SOWAHD: variants seen among roughly 807,000 people sequenced by gnomAD.
The protein encoded by SOWAHD is sosondowah ankyrin repeat domain family member D.
For synonymous variants in SOWAHD, 142 were observed against 147.2 expected (o/e 0.96, Z 0.26); for missense variants, 295 against 297.7 (o/e 0.99, Z 0.07).
In SOWAHD at chrX:119,760,145, T is replaced by C. The variant is rs1434576242; in HGVS notation, c.*530T>C. On this transcript the variant is annotated 3_prime_UTR_variant, in exon 1 of 1. Coordinates refer to ENST00000343905, the MANE Select transcript of SOWAHD (RefSeq NM_001105576.3). The stretch of plus-strand genomic sequence containing the variant: ...CCAGCCTTACTGGTACTTTTTCTCA[T>C]GTATCACAGGTTACTTCTTATGTAT... 3.2e-5 allele frequency: 4 copies of C among 124,936 alleles called. 1 individual carries two copies. Among genetic ancestry groups the C allele is most frequent in the African/African-American group, 1.3e-4 (4 of 30,917 alleles). 10.3% of individuals were successfully genotyped at this position (124,936 alleles called of 1,213,427 possible). A position where few individuals can be genotyped will look rare whatever the true frequency, so the allele number is the denominator to read the frequency against.
Position 119,759,925 on chromosome X carries a change from A to G in SOWAHD, c.*310A>G. The G allele has an allele frequency of 7.7e-6, 2 of 260,610 alleles. No homozygotes were observed. Among genetic ancestry groups the G allele is most frequent in the Non-Finnish European group, 1.4e-5 (2 of 139,574 alleles). 21.5% of individuals were successfully genotyped at this position (260,610 alleles called of 1,213,427 possible). Reference sequence around the variant, plus strand: ...AGCGTGGTCCTGCTTGGGAGAGGGCAAGTTAAGCTTCCAGGGGCCATTTCT... The same window carrying G: ...AGCGTGGTCCTGCTTGGGAGAGGGCGAGTTAAGCTTCCAGGGGCCATTTCT... On this transcript the variant is annotated 3_prime_UTR_variant, in exon 1 of 1. Coordinates refer to ENST00000343905, the MANE Select transcript of SOWAHD (RefSeq NM_001105576.3).
rs757372526 is a variant in SOWAHD at position 119,758,753 on chromosome X, C to G, written c.86C>G (p.Pro29Arg). 9.4e-6 allele frequency: 11 copies of G among 1,171,479 alleles called. No homozygotes were observed. In the South Asian group the frequency reaches 2.0e-4, roughly 22 times the overall value. The change falls in exon 1 of 1, where the codon CCC (proline) becomes CGC (arginine). Residue 29 changes from proline to arginine, a missense_variant. Transcript: ENST00000343905. ...CAGAGCCTGCGGTGCGCCCCGCAGCCCCGCCCCTCGAGAGCGGACACTGGT... is the reference window on the plus strand; with the variant it reads ...CAGAGCCTGCGGTGCGCCCCGCAGCGCCGCCCCTCGAGAGCGGACACTGGT... ...TSQSLRCAPQ[P>R]RPSRADTGSL...
rs942524092 is a variant in SOWAHD at position 119,758,697 on chromosome X, G to A, written c.30G>A (p.Arg10=). 8.8e-7 allele frequency: 1 copy of A among 1,139,533 alleles called. No homozygotes were observed. Among genetic ancestry groups the A allele is most frequent in the African/African-American group, 1.9e-5 (1 of 53,851 alleles). 93.9% of individuals were successfully genotyped at this position (1,139,533 alleles called of 1,213,427 possible). A position where few individuals can be genotyped will look rare whatever the true frequency, so the allele number is the denominator to read the frequency against. The change falls in exon 1 of 1, where the codon CGG becomes CGA. Residue 10 remains arginine (R), a synonymous_variant. Transcript: ENST00000343905. ...CCCAGCTCGGAGGGGCCGCGAACCGGGCACCCACGGCCTCTCTCGCGCCGA... is the reference window on the plus strand; with the variant it reads ...CCCAGCTCGGAGGGGCCGCGAACCGAGCACCCACGGCCTCTCTCGCGCCGA... MAQLGGAAN[R]APTASLAPTS...
rs2055537468 is a variant in SOWAHD, at chrX:119,759,640, G to A, written c.*25G>A. On this transcript the variant is annotated 3_prime_UTR_variant, in exon 1 of 1. Transcript: ENST00000343905. The stretch of plus-strand genomic sequence containing the variant: ...ACAGGGACAGAGACTGGAGAGCTAG[G>A]AGGGGCTGTGACACTGTGGCGATGG... The A allele has an allele frequency of 2.7e-6, 3 of 1,128,626 alleles. No individual in the cohort carries two copies. In the African/African-American group the frequency reaches 5.5e-5, roughly 21 times the overall value. The allele number at this position is 1,128,626 out of a possible 1,213,427, so 93.0% of individuals were successfully genotyped here.
rs2055529915 is a variant in SOWAHD at position 119,758,833 on chromosome X, T to G, written c.166T>G (p.Phe56Val). Residue 56 changes from phenylalanine to valine, a missense_variant, in exon 1 of 1, where the codon TTC becomes GTC. Transcript: ENST00000343905. ...AGCCGCCGCCTCCCGGGAGCACCCCTTCCCAGGCACGCTGATGCACTCTGC... is the reference window on the plus strand; with the variant it reads ...AGCCGCCGCCTCCCGGGAGCACCCCGTCCCAGGCACGCTGATGCACTCTGC... ...AAAAASREHP[F>V]PGTLMHSAAG... 8.8e-7 allele frequency: 1 copy of G among 1,141,835 alleles called. No homozygotes were observed. Among genetic ancestry groups the G allele is most frequent in the South Asian group, 2.0e-5 (1 of 50,905 alleles). The allele number at this position is 1,141,835 out of a possible 1,213,427, so 94.1% of individuals were successfully genotyped here.
Position 119,759,453 on chromosome X carries a change from C to T in SOWAHD, c.786C>T (p.Gly262=). The T allele has an allele frequency of 8.3e-7, 1 of 1,200,731 alleles. No homozygotes were observed. ...CCAACCTGAACAACAACAGCAGTGG[C>T]ACCACTGCGTGGAGGGCCGCGAGCG... ...GCTNLNNNSS[G]TTAWRAASAV... The change falls in exon 1 of 1, where the codon GGC becomes GGT. Residue 262 remains glycine (G), a synonymous_variant. Coordinates refer to ENST00000343905, the MANE Select transcript of SOWAHD (RefSeq NM_001105576.3).
chrX:119,759,940 G>A lies in SOWAHD; in HGVS notation c.*325G>A, dbSNP rs1056236905. ...GGGAGAGGGCAAGTTAAGCTTCCAG[G>A]GGCCATTTCTGGGCAGGCCGACGCG... is the stretch of plus-strand genomic sequence containing the variant. On this transcript the variant is annotated 3_prime_UTR_variant, in exon 1 of 1. Coordinates refer to ENST00000343905, the MANE Select transcript of SOWAHD (RefSeq NM_001105576.3). 2 of 238,172 alleles carry A rather than the reference G, an allele frequency of 8.4e-6. No homozygotes were observed. Among genetic ancestry groups the A allele is most frequent in the African/African-American group, 2.9e-5 (1 of 34,692 alleles). The allele number at this position is 238,172 out of a possible 1,213,427, so 19.6% of individuals were successfully genotyped here.
Position 119,758,960 on chromosome X carries a change from G to C in SOWAHD, c.293G>C (p.Gly98Ala). The C allele has an allele frequency of 1.8e-6, 2 of 1,109,498 alleles. No homozygotes were observed. The highest frequency in any genetic ancestry group is 2.3e-6 in the Non-Finnish European group (2 of 852,484). The allele number at this position is 1,109,498 out of a possible 1,213,427, so 91.4% of individuals were successfully genotyped here. The change falls in exon 1 of 1, where the codon GGC (glycine) becomes GCC (alanine). Residue 98 changes from glycine to alanine, a missense_variant. Physicochemically the swap from Gly to Ala is moderately conservative, Grantham distance 60. Transcript: ENST00000343905. ...TCGGAGGAGCGCGCCGAGGAGCTGGGCGGGCCGAGTGGGCCGGGCAGCAGC... is the reference window on the plus strand; with the variant it reads ...TCGGAGGAGCGCGCCGAGGAGCTGGCCGGGCCGAGTGGGCCGGGCAGCAGC... ...WLSEERAEELGGPSGPGSSRL... is the reference protein window; with the variant it reads ...WLSEERAEELAGPSGPGSSRL...
At position 119,759,052 on chromosome X, in the gene SOWAHD, C is replaced by T. The variant is rs1305889182; in HGVS notation, c.385C>T (p.Leu129=). 8.5e-7 allele frequency: 1 copy of T among 1,177,730 alleles called. No homozygotes were observed. Among genetic ancestry groups the T allele is most frequent in the South Asian group, 1.9e-5 (1 of 53,908 alleles). Residue 129 remains leucine (L), a synonymous_variant, in exon 1 of 1, where the codon CTG becomes TTG. Transcript: ENST00000343905. ...LAAAEGRYEV[L]RELLEAEPEL... is the part of the protein sequence containing the mutation. The stretch of plus-strand genomic sequence containing the variant: ...AGCCGCCGAGGGCCGCTATGAGGTG[C>T]TGCGGGAGCTGCTGGAGGCTGAGCC...
chrX:119,758,953 G>T lies in SOWAHD; in HGVS notation c.286G>T (p.Glu96Ter). Residue 96 changes from glutamate to a stop codon, truncating the protein, a stop_gained, in exon 1 of 1, where the codon GAG becomes TAG. Coordinates refer to ENST00000343905, the MANE Select transcript of SOWAHD (RefSeq NM_001105576.3). LOFTEE classifies it low-confidence loss of function (END_TRUNC). ...AGWLSEERAE[E>*]LGGPSGPGSS... The stretch of plus-strand genomic sequence containing the variant: ...GTGGCTGTCGGAGGAGCGCGCCGAG[G>T]AGCTGGGCGGGCCGAGTGGGCCGGG... 4 of 1,104,378 alleles carry T rather than the reference G, an allele frequency of 3.6e-6. No individual in the cohort carries two copies. The highest frequency in any genetic ancestry group is 4.7e-6 in the Non-Finnish European group (4 of 850,386). The allele number at this position is 1,104,378 out of a possible 1,213,427, so 91.0% of individuals were successfully genotyped here. A position where few individuals can be genotyped will look rare whatever the true frequency, so the allele number is the denominator to read the frequency against.
Position 119,758,962 on chromosome X carries a change from G to A in SOWAHD, c.295G>A (p.Gly99Arg), listed in dbSNP as rs997588347. ...LSEERAEELGGPSGPGSSRLC... is the reference protein window; with the variant it reads ...LSEERAEELGRPSGPGSSRLC... ...GGAGGAGCGCGCCGAGGAGCTGGGC[G>A]GGCCGAGTGGGCCGGGCAGCAGCAG... Residue 99 changes from glycine to arginine, a missense_variant, in exon 1 of 1, where the codon GGG becomes AGG. Coordinates refer to ENST00000343905, the MANE Select transcript of SOWAHD (RefSeq NM_001105576.3). 5 of 1,106,372 alleles carry A rather than the reference G, an allele frequency of 4.5e-6. No homozygotes were observed. In the African/African-American group the frequency reaches 9.4e-5, roughly 21 times the overall value. The allele number at this position is 1,106,372 out of a possible 1,213,427, so 91.2% of individuals were successfully genotyped here.
Position 119,758,727 on chromosome X carries a change from G to A in SOWAHD, c.60G>A (p.Ser20=). The A allele has an allele frequency of 8.6e-7, 1 of 1,164,230 alleles. No homozygotes were observed. The highest frequency in any genetic ancestry group is 1.9e-5 in the South Asian group (1 of 53,042). The part of the protein sequence containing the change: ...RAPTASLAPT[S]QSLRCAPQPR... ...CCACGGCCTCTCTCGCGCCGACCTC[G>A]CAGAGCCTGCGGTGCGCCCCGCAGC... The change falls in exon 1 of 1, where the codon TCG becomes TCA. Residue 20 remains serine, a synonymous_variant. Coordinates refer to ENST00000343905, the MANE Select transcript of SOWAHD (RefSeq NM_001105576.3).
Position 119,759,518 on chromosome X carries a change from C to T in SOWAHD, c.851C>T (p.Ala284Val). Residue 284 changes from alanine (A) to valine (V), a missense_variant, in exon 1 of 1, where the codon GCA (alanine) becomes GTA (valine). Transcript: ENST00000343905. ...ATAVETSRRVAASRTKAKDTA... is the reference protein window; with the variant it reads ...ATAVETSRRVVASRTKAKDTA... ...GCTGTGGAGACAAGCAGGAGAGTGG[C>T]AGCGTCGCGGACCAAGGCGAAGGAC... 8.3e-7 allele frequency: 1 copy of T among 1,200,089 alleles called. No homozygotes were observed. The highest frequency in any genetic ancestry group is 1.1e-6 in the Non-Finnish European group (1 of 888,887).
chrX:119,759,465 G>T lies in SOWAHD; in HGVS notation c.798G>T (p.Trp266Cys), dbSNP rs374147618. ...LNNNSSGTTAWRAASAVGATA... is the reference protein window; with the variant it reads ...LNNNSSGTTACRAASAVGATA... ...ACAACAGCAGTGGCACCACTGCGTG[G>T]AGGGCCGCGAGCGCAGTGGGCGCGA... Residue 266 changes from tryptophan to cysteine, a missense_variant, in exon 1 of 1, where the codon TGG becomes TGT. Physicochemically the swap from Trp to Cys is radical, Grantham distance 215. Transcript: ENST00000343905. 3.3e-6 allele frequency: 4 copies of T among 1,199,204 alleles called. No individual in the cohort carries two copies. Among genetic ancestry groups the T allele is most frequent in the Non-Finnish European group, 4.5e-6 (4 of 889,092 alleles).
rs1377659697 is a variant in SOWAHD at position 119,759,370 on chromosome X, A to T, written c.703A>T (p.Arg235Trp). The T allele has an allele frequency of 8.4e-7, 1 of 1,196,264 alleles. No homozygotes were observed. Among genetic ancestry groups the T allele is most frequent in the South Asian group, 1.8e-5 (1 of 55,424 alleles). The change falls in exon 1 of 1, where the codon AGG (arginine) becomes TGG (tryptophan). Residue 235 changes from arginine to tryptophan, a missense_variant. Physicochemically the swap from Arg to Trp is moderately radical, Grantham distance 101. Transcript: ENST00000343905. ...CTACCTGCGGCCCGACGCGCCTTGG[A>T]GGTTGCGGGAGCTGTCGGGAGCCGA... Reference protein sequence around the residue: ...CHYLRPDAPWRLRELSGAEEW... With the variant: ...CHYLRPDAPWWLRELSGAEEW...
chrX:119,759,512 G>C lies in SOWAHD; in HGVS notation c.845G>C (p.Arg282Thr), dbSNP rs1213727629. ...VGATAVETSR[R>T]VAASRTKAKD... Reference sequence around the variant, plus strand: ...GCGACGGCTGTGGAGACAAGCAGGAGAGTGGCAGCGTCGCGGACCAAGGCG... The same window carrying C: ...GCGACGGCTGTGGAGACAAGCAGGACAGTGGCAGCGTCGCGGACCAAGGCG... Residue 282 changes from arginine (R) to threonine (T), a missense_variant, in exon 1 of 1, where the codon AGA becomes ACA. Arg to Thr is a moderately conservative substitution (Grantham distance 71, BLOSUM62 -1). Coordinates refer to ENST00000343905, the MANE Select transcript of SOWAHD (RefSeq NM_001105576.3). The C allele has an allele frequency of 1.7e-6, 2 of 1,201,544 alleles. No homozygotes were observed. Among genetic ancestry groups the C allele is most frequent in the East Asian group, 6.0e-5 (2 of 33,492 alleles).
rs778433072 is a variant in SOWAHD at position 119,759,393 on chromosome X, C to G, written c.726C>G (p.Ala242=). 3.3e-6 allele frequency: 4 copies of G among 1,199,155 alleles called. No homozygotes were observed. Among genetic ancestry groups the G allele is most frequent in the East Asian group, 3.0e-5 (1 of 33,287 alleles). The part of the protein sequence containing the change: ...APWRLRELSG[A]EEWEMESGSG... Reference sequence around the variant, plus strand: ...GGAGGTTGCGGGAGCTGTCGGGAGCCGAGGAATGGGAGATGGAGAGCGGCA... The same window carrying G: ...GGAGGTTGCGGGAGCTGTCGGGAGCGGAGGAATGGGAGATGGAGAGCGGCA... Residue 242 remains alanine (A), a synonymous_variant, in exon 1 of 1, where the codon GCC becomes GCG. Transcript: ENST00000343905.
Position 119,759,970 on chromosome X carries a change from G to T in SOWAHD, c.*355G>T. ...ATTTCTGGGCAGGCCGACGCGCTGG[G>T]TTTATTAGGAAACATTCGCTAGAAG... is the stretch of plus-strand genomic sequence containing the variant. On this transcript the variant is annotated 3_prime_UTR_variant, in exon 1 of 1. Transcript: ENST00000343905. 1 of 207,519 alleles carries T rather than the reference G, an allele frequency of 4.8e-6. No homozygotes were observed. The highest frequency in any genetic ancestry group is 9.4e-6 in the Non-Finnish European group (1 of 106,496). 17.1% of individuals were successfully genotyped at this position (207,519 alleles called of 1,213,427 possible).
Position 119,759,885 on chromosome X carries a change from G to T in SOWAHD, c.*270G>T. On this transcript the variant is annotated 3_prime_UTR_variant, in exon 1 of 1. Coordinates refer to ENST00000343905, the MANE Select transcript of SOWAHD (RefSeq NM_001105576.3). ...CGAGTTCCAAAGCTACAGGACTAAG[G>T]AGTTGGGAGCAGGGAGCGTGGTCCT... is the stretch of plus-strand genomic sequence containing the variant. 3.4e-6 allele frequency: 1 copy of T among 290,855 alleles called. No homozygotes were observed. The highest frequency in any genetic ancestry group is 6.3e-6 in the Non-Finnish European group (1 of 159,109). 24.0% of individuals were successfully genotyped at this position (290,855 alleles called of 1,213,427 possible). A position where few individuals can be genotyped will look rare whatever the true frequency, so the allele number is the denominator to read the frequency against.
Sources: allele counts gnomAD v4.1 joint callset, GRCh38; gene constraint gnomAD v4.1.1; transcripts MANE v1.5; gene names NCBI Gene and HGNC (gene_info 2026-07-23, HGNC 2026-07-21).